NRG1: variants seen among roughly 807,000 people sequenced by gnomAD.
NRG1 encodes the protein pro-neuregulin-1, membrane-bound isoform.
A neutral mutation model predicts 63.8 loss-of-function variants in NRG1; 18 were observed. The observed-to-expected ratio is 0.28, with a 90% confidence interval of 0.19 to 0.42. The LOEUF (loss-of-function observed/expected upper bound fraction) is 0.42, where lower values mean the gene tolerates loss of function less well. Among genes scored for constraint, NRG1 ranks in the 10% least tolerant of loss-of-function variants. NRG1 has a pLI of 1.00. For missense variants in NRG1, 762 were observed against 814.7 expected (o/e 0.94, Z 0.79); for synonymous variants, 302 against 301.3 (o/e 1.00, Z -0.02).
At chr8:32,727,900 A>T (rs1381190124) in intron 5 of NRG1, 49 bp from the exon 6 acceptor site, 3 of 1,587,652 alleles carry the variant, frequency 1.9e-6, no homozygotes, top group Non-Finnish European at 1.7e-6. Flanking sequence ...GCTGCTTAGA[A>T]GGGGGAAAAA....
At chr8:31,880,284 T>C (rs748131040) in intron 1 of NRG1, among the ~76,000 whole-genome samples, 7 of 152,212 alleles carry the variant, frequency 4.6e-5, no homozygotes, top group African/African-American at 7.2e-5. Context: ...TCTGCTTTTA[T>C]GAAGCTTACA....
At chr8:31,893,171 T>A (rs1202798721) in intron 1 of NRG1, among the ~76,000 whole-genome samples, 1 of 150,126 alleles carries the variant, frequency 6.7e-6, no homozygotes, top group Non-Finnish European at 1.5e-5. Flanking sequence ...TATAATAGAC[T>A]ATATTATATA....
intron 1 of NRG1, among the ~76,000 whole-genome samples, chr8:32,392,660 G>A (rs1157059601): frequency 6.6e-6 from 1 of 152,070 alleles, no homozygotes; most frequent in Non-Finnish European, 1.5e-5. Flanking sequence ...TCCAGCAGAG[G>A]GAATTTTAGG....
At chr8:31,668,911 T>G (rs1806823221) in intron 1 of NRG1, among the ~76,000 whole-genome samples, 1 of 152,064 alleles carries the variant, frequency 6.6e-6, no homozygotes, top group South Asian at 2.1e-4. Context: ...GGACCAGAAG[T>G]GTTTTGGATT....
At chr8:31,647,925 C>A (rs979449166) in intron 1 of NRG1, among the ~76,000 whole-genome samples, 3 of 152,038 alleles carry the variant, frequency 2.0e-5, no homozygotes, top group African/African-American at 7.2e-5. Flanking sequence ...ATAAAATTTA[C>A]CATTTTAACC....
Position 31,840,245 on chromosome 8 carries a change from A to G in NRG1, c.37+200814A>G, listed in dbSNP as rs116853060. Among the ~76,000 whole-genome samples, 588 of 152,146 alleles carry G rather than the reference A, an allele frequency of 3.9e-3. 1 individual carries two copies. The highest frequency in any genetic ancestry group is 0.024 in the Middle Eastern group (7 of 294). Reference sequence around the variant, plus strand: ...CAAAGCCAGCCAGTCTACCTAGTCCATAGTATCCAGCAGATATATCAGTGG... The same window carrying G: ...CAAAGCCAGCCAGTCTACCTAGTCCGTAGTATCCAGCAGATATATCAGTGG... On this transcript the variant is annotated intron_variant, in intron 1 of 10. Transcript: ENST00000519301.
At chr8:31,685,573 A>G (rs964574266) in intron 1 of NRG1, among the ~76,000 whole-genome samples, 39 of 152,198 alleles carry the variant, frequency 2.6e-4, no homozygotes, top group Non-Finnish European at 7.3e-5. Flanking sequence ...GTGTATTCAC[A>G]GAGCTATGCA....
intron 1 of NRG1, among the ~76,000 whole-genome samples, chr8:32,056,835 A>G (rs1161296710): frequency 1.3e-5 from 2 of 152,186 alleles, no homozygotes; most frequent in Admixed American, 6.6e-5. Context: ...AAGTACAAAA[A>G]TAAATTTTAA....
At chr8:32,490,782 C>T (rs1290023269) in intron 1 of NRG1, among the ~76,000 whole-genome samples, 1 of 152,086 alleles carries the variant, frequency 6.6e-6, no homozygotes, top group African/African-American at 2.4e-5. Context: ...TTATTTTTCA[C>T]ACCTAAAAAA....
chr8:32,692,512 A>C (rs1329366352), intron 5 of NRG1, among the ~76,000 whole-genome samples: 2 of 152,224 alleles, frequency 1.3e-5, no homozygotes, highest in African/African-American at 4.8e-5. Flanking sequence ...GGTATAATGA[A>C]GGCTTCCTGG....
At chr8:32,318,011 G>T (rs1260514501) in intron 1 of NRG1, among the ~76,000 whole-genome samples, 2 of 152,086 alleles carry the variant, frequency 1.3e-5, no homozygotes, top group Non-Finnish European at 1.5e-5. Flanking sequence ...AAAAAAATGA[G>T]TACAGAGGCC....
At chr8:32,239,989 T>G (rs1290972205) in intron 1 of NRG1, among the ~76,000 whole-genome samples, 1 of 152,180 alleles carries the variant, frequency 6.6e-6, no homozygotes, top group Non-Finnish European at 1.5e-5. Flanking sequence ...TGTAAACAAT[T>G]TGCTTGCTTC....
At chr8:31,690,583 A>G (rs1809395318) in intron 1 of NRG1, among the ~76,000 whole-genome samples, 1 of 152,130 alleles carries the variant, frequency 6.6e-6, no homozygotes, top group Non-Finnish European at 1.5e-5. Flanking sequence ...GATCCGAGAG[A>G]GTGATTTTTC....
At chr8:31,769,807 C>T (rs188280764) in intron 1 of NRG1, among the ~76,000 whole-genome samples, 20 of 152,162 alleles carry the variant, frequency 1.3e-4, no homozygotes, top group Admixed American at 1.0e-3. Context: ...GAAAGGGAAG[C>T]AAGGAAATAG....
At chr8:32,734,517 G>A (rs992397196) in intron 6 of NRG1, among the ~76,000 whole-genome samples, 1 of 152,178 alleles carries the variant, frequency 6.6e-6, no homozygotes, top group African/African-American at 2.4e-5. Context: ...TGTTACACTT[G>A]CCTGTGGTAC....
At chr8:32,539,439 A>G (rs985348330) in intron 1 of NRG1, among the ~76,000 whole-genome samples, 47 of 152,182 alleles carry the variant, frequency 3.1e-4, no homozygotes, top group African/African-American at 1.1e-3. Context: ...TCAGAGGTGA[A>G]CACTGTAGAA....
At chr8:32,173,002 C>T (rs1482215993) in intron 1 of NRG1, among the ~76,000 whole-genome samples, 1 of 152,080 alleles carries the variant, frequency 6.6e-6, no homozygotes, top group East Asian at 1.9e-4. Flanking sequence ...CACAAAGATA[C>T]TCCTCGAGAA....
chr8:32,764,022 A>G (rs763485219), exon 12 of NRG1: 2 of 1,614,120 alleles, frequency 1.2e-6, no homozygotes, highest in Admixed American at 3.3e-5. Flanking sequence ...CCTCCCTGCT[A>G]GCCCCTTGAG....
intron 1 of NRG1, among the ~76,000 whole-genome samples, chr8:31,855,728 C>T (rs898151045): frequency 2.0e-5 from 3 of 152,150 alleles, no homozygotes; most frequent in Non-Finnish European, 2.9e-5. Context: ...TACATTTTGG[C>T]ATGATTTTGC....
Sources: gnomAD v4.1 joint callset for allele counts (sites outside exome capture counted in the v4.1 genomes callset) on GRCh38, gnomAD v4.1.1 for gene constraint, MANE v1.5 for transcripts, NCBI Gene and HGNC (gene_info 2026-07-23, HGNC 2026-07-21) for gene names.